Variants in ADAMTS18 observed in about 807,000 individuals in gnomAD.
ADAMTS18 encodes A disintegrin and metalloproteinase with thrombospondin motifs 18.
A neutral mutation model predicts 165.9 loss-of-function variants in ADAMTS18; 157 were observed. That is an observed-to-expected ratio of 0.95 (90% CI 0.83 to 1.08). ADAMTS18 has a LOEUF of 1.08. Among genes scored for constraint, ADAMTS18 ranks in the 50% least tolerant of loss-of-function variants. The probability of loss-of-function intolerance (pLI) is 0.00; values close to 1 mark genes in which losing one functional copy is unlikely to be tolerated. For missense variants in ADAMTS18, 2,040 were observed against 1,534.0 expected (o/e 1.33, Z -5.51); for synonymous variants, 782 against 578.2 (o/e 1.35, Z -5.06).
At chr16:77,365,672 C>T (rs1407887197) in intron 4 of ADAMTS18, among the ~76,000 whole-genome samples, 4 of 152,020 alleles carry the variant, frequency 2.6e-5, no homozygotes, top group East Asian at 1.9e-4. Flanking sequence ...GCCACAACTA[C>T]GAGCATTCCT....
chr16:77,368,079 C>T (rs1480848063), intron 3 of ADAMTS18, among the ~76,000 whole-genome samples: 3 of 152,264 alleles, frequency 2.0e-5, no homozygotes, highest in African/African-American at 7.2e-5. Context: ...GTCAATGTGG[C>T]CCAAGCTGGT....
At chr16:77,291,102 C>CA (rs1320712581) in intron 21 of ADAMTS18, among the ~76,000 whole-genome samples, 164 bp downstream of exon 21, 1 of 152,062 alleles carries the variant, frequency 6.6e-6, no homozygotes, top group Non-Finnish European at 1.5e-5. Flanking sequence ...CAGATTGTTA[C>CA]CTGCCCAGGG....
At chr16:77,341,565 T>C (rs2056397815) in intron 11 of ADAMTS18, 139 bp downstream of exon 11, 2 of 728,974 alleles carry the variant, frequency 2.7e-6, no homozygotes, top group South Asian at 1.6e-5. Context: ...TAATTGCTGC[T>C]ATATAATGTT....
rs1156801018 is a variant in ADAMTS18 at position 77,282,834 on chromosome 16, AT to A, written c.*1121del. 1 of 150,394 alleles carries A rather than the reference AT, an allele frequency of 6.6e-6. No individual in the cohort carries two copies. The highest frequency in any genetic ancestry group is 2.5e-5 in the African/African-American group (1 of 40,794). The allele number at this position is 150,394 out of a possible 1,614,324, so 9.3% of individuals were successfully genotyped here. A position where few individuals can be genotyped will look rare whatever the true frequency, so the allele number is the denominator to read the frequency against. ...TCAGTGAGGGTCTTGTCATATTATGATTTATTAATATTAACATAGCAAGAAG... is the reference window on the plus strand; with the variant it reads ...TCAGTGAGGGTCTTGTCATATTATGATTATTAATATTAACATAGCAAGAAG... On this transcript the variant is annotated 3_prime_UTR_variant, in exon 23 of 23. Transcript: ENST00000282849.
intron 16 of ADAMTS18, among the ~76,000 whole-genome samples, chr16:77,312,610 C>T (rs181426457): frequency 1.3e-5 from 2 of 152,262 alleles, no homozygotes; most frequent in Admixed American, 6.5e-5. Flanking sequence ...TACTTTTTGT[C>T]AGGGCTAAAT....
intron 11 of ADAMTS18, among the ~76,000 whole-genome samples, chr16:77,340,089 G>C (rs1419333911): frequency 6.6e-6 from 1 of 152,158 alleles, no homozygotes; most frequent in Admixed American, 6.5e-5. Context: ...GGCCCCGACA[G>C]CAACTACTGC....
At chr16:77,305,106 A>T (rs752742715) in intron 16 of ADAMTS18, among the ~76,000 whole-genome samples, 1 of 78,148 alleles carries the variant, frequency 1.3e-5, no homozygotes, top group Non-Finnish European at 2.5e-5. Flanking sequence ...TAAAAACTTA[A>T]ACAAATAAGT....
At chr16:77,429,568 G>T (rs1324561749) in intron 3 of ADAMTS18, among the ~76,000 whole-genome samples, 1 of 152,012 alleles carries the variant, frequency 6.6e-6, no homozygotes, top group African/African-American at 2.4e-5. Flanking sequence ...ACCTTCACTT[G>T]TACCCCTGAA....
intron 4 of ADAMTS18, among the ~76,000 whole-genome samples, chr16:77,366,141 C>T (rs928225406): frequency 1.2e-4 from 16 of 137,162 alleles, no homozygotes; most frequent in Admixed American, 5.3e-4. Context: ...GATACCAGTT[C>T]CTCTTCTCCA....
chr16:77,400,499 T>TA (rs2057316553), intron 3 of ADAMTS18, among the ~76,000 whole-genome samples: 1 of 149,016 alleles, frequency 6.7e-6, no homozygotes, highest in Non-Finnish European at 1.5e-5. Context: ...TTTTTTTTTT[T>TA]GAGACGGAGT....
chr16:77,294,786 C>T, intron 19 of ADAMTS18, 137 bp downstream of exon 19: 1 of 844,456 alleles, frequency 1.2e-6, no homozygotes, highest in Non-Finnish European at 1.9e-6. Context: ...AGTTAAAATG[C>T]AGATTCCCAG....
intron 16 of ADAMTS18, among the ~76,000 whole-genome samples, chr16:77,309,767 A>C (rs914228037): frequency 6.6e-6 from 1 of 152,180 alleles, no homozygotes; most frequent in African/African-American, 2.4e-5. Flanking sequence ...AACACCAAGA[A>C]ATAAGTGGAA....
intron 18 of ADAMTS18, among the ~76,000 whole-genome samples, chr16:77,295,948 A>T (rs1303147412): frequency 6.6e-6 from 1 of 151,692 alleles, no homozygotes; most frequent in Admixed American, 6.6e-5. Flanking sequence ...GGCTCAAGTG[A>T]TTCTCCTGCC....
intron 8 of ADAMTS18, 121 bp from the exon 9 acceptor site, chr16:77,356,198 A>C (rs1453162063): frequency 2.9e-6 from 4 of 1,362,146 alleles, no homozygotes; most frequent in Admixed American, 1.8e-5. Context: ...AGAGTTATTA[A>C]AACTGGAAAA....
chr16:77,287,606 G>C (rs1260312553), intron 22 of ADAMTS18, among the ~76,000 whole-genome samples: 3 of 151,978 alleles, frequency 2.0e-5, no homozygotes, highest in Non-Finnish European at 4.4e-5. Flanking sequence ...CCAGTAGCTA[G>C]GCCTACGGGC....
At chr16:77,341,059 C>T (rs59028085) in intron 11 of ADAMTS18, among the ~76,000 whole-genome samples, 11,110 of 152,148 alleles carry the variant, frequency 0.073, 964 homozygotes, top group East Asian at 0.33. Context: ...CAAATGCAAC[C>T]TGCCCTCCCT....
chr16:77,283,146 T>C lies in ADAMTS18; in HGVS notation c.*810A>G, dbSNP rs745667530. 3 of 152,534 alleles carry C rather than the reference T, an allele frequency of 2.0e-5. No individual in the cohort carries two copies. The highest frequency in any genetic ancestry group is 4.4e-5 in the Non-Finnish European group (3 of 68,024). The allele number at this position is 152,534 out of a possible 1,614,324, so 9.4% of individuals were successfully genotyped here. A position where few individuals can be genotyped will look rare whatever the true frequency, so the allele number is the denominator to read the frequency against. On this transcript the variant is annotated 3_prime_UTR_variant, in exon 23 of 23. Coordinates refer to ENST00000282849, the MANE Select transcript of ADAMTS18 (RefSeq NM_199355.4). ...TGTAGCATTCCCAAAGAGCGGGCTG[T>C]AGCTTTTCATGGACTGATTCAGCAA...
At chr16:77,415,286 C>A (rs2057515812) in intron 3 of ADAMTS18, among the ~76,000 whole-genome samples, 1 of 152,210 alleles carries the variant, frequency 6.6e-6, no homozygotes, top group Non-Finnish European at 1.5e-5. Flanking sequence ...GTCTATAACT[C>A]ATTCATTTCT....
At chr16:77,284,212 G>A (rs962216430) in intron 22 of ADAMTS18, 141 bp from the exon 23 acceptor site, 3 of 629,054 alleles carry the variant, frequency 4.8e-6, no homozygotes, top group Non-Finnish European at 2.8e-6. Context: ...TGCAATCTCT[G>A]CTGCCCAGGT....
Sources: allele counts gnomAD v4.1 joint callset (sites outside exome capture counted in the v4.1 genomes callset), GRCh38; gene constraint gnomAD v4.1.1; transcripts MANE v1.5; gene names NCBI Gene and HGNC (gene_info 2026-07-23, HGNC 2026-07-21).